Variants in TSPEAR observed in about 807,000 individuals in gnomAD.
TSPEAR encodes thrombospondin type laminin G domain and EAR repeats, also known as thrombospondin-type laminin G domain and EAR repeat-containing protein.
TSPEAR carries 69 observed loss-of-function variants against 71.6 expected under a neutral mutation model. That is an observed-to-expected ratio of 0.96 (90% CI 0.79 to 1.18). The LOEUF (loss-of-function observed/expected upper bound fraction) is 1.18. Among genes scored for constraint, TSPEAR ranks in the 50% most tolerant of loss-of-function variants. TSPEAR has a pLI of 0.00. For missense variants in TSPEAR, 971 were observed against 894.9 expected, an observed-to-expected ratio of 1.09 and a Z score of -1.09; for synonymous variants, 402 against 387.2, an observed-to-expected ratio of 1.04 and a Z score of -0.45.
intron 1 of TSPEAR, among the ~76,000 whole-genome samples, chr21:44,625,994 C>G (rs1378406007): frequency 6.6e-6 from 1 of 152,202 alleles, no homozygotes; most frequent in Non-Finnish European, 1.5e-5. Flanking sequence ...TGGTCAACTT[C>G]TGTCTTATTT....
At chr21:44,689,739 A>ATATATATATATATATATTTTTTTTTTTTT (rs1555949531) in intron 1 of TSPEAR, among the ~76,000 whole-genome samples, 1 of 128,172 alleles carries the variant, frequency 7.8e-6, no homozygotes, top group African/African-American at 3.2e-5. Context: ...ATATATATAT[A>ATATATATATATATATATTTTTTTTTTTTT]TTTTGGGGGG....
At chr21:44,539,301 C>T (rs782258815) in intron 2 of TSPEAR, 563 of 1,608,612 alleles carry the variant, frequency 3.5e-4, no homozygotes, top group Non-Finnish European at 4.4e-4. Flanking sequence ...GAGCAGAGGC[C>T]TCAGCAGGCC....
chr21:44,527,965 C>T (rs981498537), intron 6 of TSPEAR, among the ~76,000 whole-genome samples: 3 of 152,094 alleles, frequency 2.0e-5, no homozygotes, highest in Admixed American at 6.5e-5. Flanking sequence ...CTTTCAGGCT[C>T]GTCATCTCCT....
rs1982887763 is a variant in TSPEAR, at chr21:44,627,349, G to A, written c.83-59344C>T. 1.9e-6 allele frequency: 3 copies of A among 1,613,430 alleles called. No individual in the cohort carries two copies. In the South Asian group the frequency reaches 3.3e-5, roughly 18 times the overall value. ...CCGTGTATCCAGCCCCTGCTGCCAG[G>A]TGACCTGTGAGCCCAGCCCCTGCCA... On this transcript the variant is annotated intron_variant, in intron 1 of 11. Transcript: ENST00000323084.
At chr21:44,586,910 T>C (rs1300578064) in intron 1 of TSPEAR, among the ~76,000 whole-genome samples, 2 of 152,192 alleles carry the variant, frequency 1.3e-5, no homozygotes, top group African/African-American at 4.8e-5. Context: ...AAGCCATCTA[T>C]GACAAACCCA....
intron 2 of TSPEAR, 105 bp downstream of exon 2, chr21:44,567,680 G>A (rs587718813): frequency 1.0e-6 from 1 of 978,200 alleles, no homozygotes; most frequent in African/African-American, 1.6e-5. Flanking sequence ...AACCCAGAGA[G>A]TCCTTGACAA....
At chr21:44,575,168 A>C in intron 1 of TSPEAR, 4 of 828,814 alleles carry the variant, frequency 4.8e-6, no homozygotes, top group Non-Finnish European at 5.6e-6. Flanking sequence ...TCTATACTCA[A>C]TGCTGCAGCC....
intron 9 of TSPEAR, among the ~76,000 whole-genome samples, chr21:44,518,073 CT>C (rs1377342364): frequency 4.6e-5 from 7 of 152,214 alleles, no homozygotes; most frequent in Non-Finnish European, 1.0e-4. Flanking sequence ...TGAATGTCTT[CT>C]TTTAATGCCA....
chr21:44,588,825 A>C (rs1979539631), intron 1 of TSPEAR, among the ~76,000 whole-genome samples: 1 of 151,516 alleles, frequency 6.6e-6, no homozygotes, highest in African/African-American at 2.4e-5. Flanking sequence ...CAGTAATAAA[A>C]AGAAATGAAT....
At chr21:44,598,485 G>C (rs1271660120) in intron 1 of TSPEAR, among the ~76,000 whole-genome samples, 1 of 152,132 alleles carries the variant, frequency 6.6e-6, no homozygotes, top group Non-Finnish European at 1.5e-5. Flanking sequence ...TTTTCCTTAC[G>C]ACTCTGAGCC....
At chr21:44,569,995 G>A (rs1461865618) in intron 1 of TSPEAR, among the ~76,000 whole-genome samples, 1 of 152,090 alleles carries the variant, frequency 6.6e-6, no homozygotes, top group Admixed American at 6.5e-5. Context: ...TAAACCCCAT[G>A]CACCCTACTG....
chr21:44,702,373 G>A (rs1055810492), intron 1 of TSPEAR: 3 of 775,014 alleles, frequency 3.9e-6, no homozygotes, highest in Non-Finnish European at 5.1e-6. Flanking sequence ...CTGCTGCCAG[G>A]CAGCCTGTGA....
chr21:44,572,042 G>A lies in TSPEAR; in HGVS notation c.83-4037C>T, dbSNP rs587733499. The stretch of plus-strand genomic sequence containing the variant: ...ATGACCAATTACAGAGGGAAACGGC[G>A]GCACCGCGAGGGATGGGCCGCGGCC... On this transcript the variant is annotated intron_variant, in intron 1 of 11. Coordinates refer to ENST00000323084, the MANE Select transcript of TSPEAR (RefSeq NM_144991.3). Among the ~76,000 whole-genome samples the A allele has an allele frequency of 4.6e-5, 7 of 152,310 alleles. No individual in the cohort carries two copies. In the East Asian group the frequency reaches 7.7e-4, roughly 17 times the overall value.
At chr21:44,656,073 G>A (rs1166946236) in intron 1 of TSPEAR, among the ~76,000 whole-genome samples, 2 of 152,276 alleles carry the variant, frequency 1.3e-5, no homozygotes, top group Admixed American at 6.5e-5. Flanking sequence ...GCCGGGCGAG[G>A]CCACAAGTTC....
intron 2 of TSPEAR, among the ~76,000 whole-genome samples, chr21:44,537,391 T>G (rs1051276511): frequency 6.6e-6 from 1 of 152,220 alleles, no homozygotes; most frequent in Non-Finnish European, 1.5e-5. Context: ...ACCTTCTTTA[T>G]GAGCTGTTAG....
intron 10 of TSPEAR, among the ~76,000 whole-genome samples, chr21:44,505,792 T>C (rs369225917): frequency 6.6e-6 from 1 of 152,032 alleles, no homozygotes; most frequent in East Asian, 1.9e-4. Context: ...ATGGACACGT[T>C]GTGTTTGTCC....
chr21:44,638,116 C>T (rs267606162), intron 1 of TSPEAR: 5 of 1,613,260 alleles, frequency 3.1e-6, no homozygotes, highest in African/African-American at 1.3e-5. Context: ...TCTGCCGCCC[C>T]GTGTGCTCCC....
chr21:44,642,520 T>C lies in TSPEAR; in HGVS notation c.82+68913A>G, dbSNP rs1199827798. ...AAACTAAGCCACTATGTATAGCCATTATGGGAAATAGTACGGAAGTTCCTC... is the reference window on the plus strand; with the variant it reads ...AAACTAAGCCACTATGTATAGCCATCATGGGAAATAGTACGGAAGTTCCTC... On this transcript the variant is annotated intron_variant, in intron 1 of 11. Transcript: ENST00000323084. This position sits in a 1 kb window ranked among gnomAD's most constrained non-coding sequence, Gnocchi z 4.1. Among the ~76,000 whole-genome samples the C allele has an allele frequency of 6.6e-6, 1 of 152,144 alleles. No homozygotes were observed. Among genetic ancestry groups the C allele is most frequent in the Non-Finnish European group, 1.5e-5 (1 of 68,020 alleles).
intron 1 of TSPEAR, among the ~76,000 whole-genome samples, chr21:44,652,511 T>C (rs1229359698): frequency 6.6e-6 from 1 of 152,192 alleles, no homozygotes; most frequent in Non-Finnish European, 1.5e-5. Flanking sequence ...TTGTATTCAG[T>C]TAGTTCATTT....
Sources: gnomAD v4.1 joint callset for allele counts (sites outside exome capture counted in the v4.1 genomes callset) on GRCh38, gnomAD v4.1.1 for gene constraint, Gnocchi (gnomAD v3.1) non-coding constraint, MANE v1.5 for transcripts, NCBI Gene and HGNC (gene_info 2026-07-23, HGNC 2026-07-21) for gene names.